The following ARHGEF28 variants were observed in gnomAD, a reference collection of about 807,000 sequenced individuals.
ARHGEF28 encodes the protein Rho guanine nucleotide exchange factor 28.
Under a neutral mutation model 206.6 loss-of-function variants are expected in ARHGEF28, and 152 were observed. The observed-to-expected ratio is 0.74, with a 90% CI of 0.64 to 0.84. The LOEUF (loss-of-function observed/expected upper bound fraction) is 0.84. ARHGEF28 is among the 40% of genes least tolerant of loss of function. The probability of loss-of-function intolerance (pLI) is 0.00; values close to 1 mark genes in which losing one functional copy is unlikely to be tolerated. For synonymous variants in ARHGEF28, 763 were observed against 776.4 expected (o/e 0.98, Z 0.29); for missense variants, 2,028 against 2,073.2 (o/e 0.98, Z 0.42).
intron 27 of ARHGEF28, among the ~76,000 whole-genome samples, chr5:73,892,501 G>T (rs1259855141): frequency 6.6e-6 from 1 of 152,168 alleles, no homozygotes; most frequent in Non-Finnish European, 1.5e-5. Flanking sequence ...TTCAGTCCTG[G>T]TGATCTCTTT....
chr5:73,791,030 A>G (rs773111854), intron 7 of ARHGEF28, among the ~76,000 whole-genome samples: 4 of 152,226 alleles, frequency 2.6e-5, no homozygotes, highest in African/African-American at 7.2e-5. Flanking sequence ...AAGTGTTTCA[A>G]TTAGTTAATT....
chr5:73,790,444 A>G (rs1754413497), intron 7 of ARHGEF28, among the ~76,000 whole-genome samples: 1 of 152,234 alleles, frequency 6.6e-6, no homozygotes, highest in African/African-American at 2.4e-5. Context: ...TGATATGCCA[A>G]GGAGCACATT....
At chr5:73,631,031 C>T (rs1311710068) in intron 1 of ARHGEF28, among the ~76,000 whole-genome samples, 5 of 152,176 alleles carry the variant, frequency 3.3e-5, no homozygotes, top group Admixed American at 6.5e-5. Context: ...TTCAGACATG[C>T]AAGTCCAGAT....
intron 1 of ARHGEF28, among the ~76,000 whole-genome samples, chr5:73,666,694 G>GA (rs1303758636): frequency 6.6e-6 from 1 of 152,194 alleles, no homozygotes; most frequent in Non-Finnish European, 1.5e-5. Flanking sequence ...GCAGCCAGCA[G>GA]AGTGGCCATT....
chr5:73,887,109 A>G lies in ARHGEF28; in HGVS notation c.3311-494A>G, dbSNP rs141359677. ...AAGTCATTTGCTGTTTATCCATTTA[A>G]TAGAATCAGTTTGGTAACTTTGTGT... On this transcript the variant is annotated intron_variant, in intron 25 of 35. Coordinates refer to ENST00000513042, the MANE Select transcript of ARHGEF28 (RefSeq NM_001177693.2). 1.6e-3 allele frequency among the ~76,000 whole-genome samples: 248 copies of G among 152,358 alleles called. 1 individual carries two copies. The highest frequency in any genetic ancestry group is 5.6e-3 in the African/African-American group (233 of 41,586).
At chr5:73,806,363 CTA>C (rs1377080636) in intron 9 of ARHGEF28, among the ~76,000 whole-genome samples, 1 of 63,892 alleles carries the variant, frequency 1.6e-5, no homozygotes, top group Non-Finnish European at 2.5e-5. Context: ...TACTATCTAT[CTA>C]TATATACTAT....
chr5:73,766,303 ATAT>A (rs1168689058), intron 4 of ARHGEF28, among the ~76,000 whole-genome samples: 1 of 152,244 alleles, frequency 6.6e-6, no homozygotes. Flanking sequence ...GTATTGAAAA[ATAT>A]TATTTGCTTT....
chr5:73,672,771 CT>C (rs1452673149), intron 1 of ARHGEF28, among the ~76,000 whole-genome samples: 5 of 152,184 alleles, frequency 3.3e-5, no homozygotes, highest in African/African-American at 9.7e-5. Flanking sequence ...TGAGAACAAG[CT>C]TTTAAAGGGC....
chr5:73,694,761 G>A (rs1372014001), intron 2 of ARHGEF28, among the ~76,000 whole-genome samples: 1 of 152,258 alleles, frequency 6.6e-6, no homozygotes, highest in East Asian at 1.9e-4. Context: ...TTATCAAAAC[G>A]GATCTTATGA....
chr5:73,643,161 C>T (rs779601159), intron 1 of ARHGEF28, among the ~76,000 whole-genome samples: 1 of 152,144 alleles, frequency 6.6e-6, no homozygotes, highest in Non-Finnish European at 1.5e-5. Context: ...AATGGTAACA[C>T]GGTGATGTTA....
chr5:73,928,306 C>A (rs1265145727), intron 35 of ARHGEF28, among the ~76,000 whole-genome samples: 1 of 152,124 alleles, frequency 6.6e-6, no homozygotes, highest in African/African-American at 2.4e-5. Context: ...ATCCCAGCTA[C>A]GTGGGAGGCT....
Position 73,904,395 on chromosome 5 carries a change from A to G in ARHGEF28, c.4151A>G (p.Tyr1384Cys). The change falls in exon 33 of 36, where the codon TAC becomes TGC. Residue 1384 changes from tyrosine to cysteine, a missense_variant. Around this residue, in one of 3 missense-constraint regions of ARHGEF28, gnomAD observed 803 missense variants for 768.0 expected, o/e 1.05. Transcript: ENST00000513042. Reference sequence around the variant, plus strand: ...ATACAGAATTTAACCCGTCTCTTATACAGCCTTCAGGTAACTATCCTCCTC... The same window carrying G: ...ATACAGAATTTAACCCGTCTCTTATGCAGCCTTCAGGTAACTATCCTCCTC... ...QAIQNLTRLL[Y>C]SLQAALTIQD... The G allele has an allele frequency of 6.2e-7, 1 of 1,611,614 alleles. No individual in the cohort carries two copies. The highest frequency in any genetic ancestry group is 8.5e-7 in the Non-Finnish European group (1 of 1,178,912).
intron 21 of ARHGEF28, among the ~76,000 whole-genome samples, chr5:73,871,286 T>C (rs192315094): frequency 6.6e-6 from 1 of 152,190 alleles, no homozygotes; most frequent in Non-Finnish European, 1.5e-5. Context: ...AGGAAAATCA[T>C]TCCTATTTTC....
chr5:73,710,417 T>C (rs1365667538), intron 2 of ARHGEF28, among the ~76,000 whole-genome samples: 2 of 152,186 alleles, frequency 1.3e-5, no homozygotes, highest in African/African-American at 2.4e-5. Context: ...GTTTTCTTGT[T>C]GAGATGTAAG....
chr5:73,782,105 T>C (rs1042928470), intron 7 of ARHGEF28, among the ~76,000 whole-genome samples: 12 of 149,596 alleles, frequency 8.0e-5, no homozygotes, highest in Non-Finnish European at 3.0e-5. Flanking sequence ...GATACTATGA[T>C]CTTAAACTCT....
intron 2 of ARHGEF28, among the ~76,000 whole-genome samples, chr5:73,702,481 G>A (rs1390024679): frequency 6.6e-6 from 1 of 152,084 alleles, no homozygotes; most frequent in Non-Finnish European, 1.5e-5. Flanking sequence ...TTGCCTCTAT[G>A]AATTTTATTA....
intron 21 of ARHGEF28, among the ~76,000 whole-genome samples, chr5:73,870,854 A>C (rs537785205): frequency 1.3e-5 from 2 of 152,230 alleles, no homozygotes; most frequent in Non-Finnish European, 2.9e-5. Flanking sequence ...TACAAAGTAG[A>C]TTCCAAAATG....
At chr5:73,649,979 G>A (rs1215542404) in intron 1 of ARHGEF28, among the ~76,000 whole-genome samples, 2 of 152,164 alleles carry the variant, frequency 1.3e-5, no homozygotes, top group African/African-American at 2.4e-5. Flanking sequence ...CACCTGATTG[G>A]GTGTCCTGGT....
intron 11 of ARHGEF28, among the ~76,000 whole-genome samples, chr5:73,841,385 G>A (rs1467616847): frequency 1.3e-5 from 2 of 152,006 alleles, no homozygotes; most frequent in Non-Finnish European, 2.9e-5. Context: ...TTATTATAGG[G>A]CACCTACATA....
Sources: allele counts gnomAD v4.1 joint callset (sites outside exome capture counted in the v4.1 genomes callset), GRCh38; gene constraint gnomAD v4.1.1; regional missense constraint gnomAD v4.1.1; transcripts MANE v1.5; gene names NCBI Gene and HGNC (gene_info 2026-07-23, HGNC 2026-07-21).